IL6ST: variants seen among roughly 807,000 people sequenced by gnomAD.
The protein encoded by IL6ST is interleukin 6 cytokine family signal transducer.
In IL6ST, 24 loss-of-function variants were observed where a neutral mutation model predicts 91.3. The observed-to-expected ratio is 0.26, with a 90% CI of 0.19 to 0.37. The LOEUF is 0.37. Ranked by LOEUF, IL6ST falls within the 10% of genes least tolerant of loss-of-function variation. IL6ST has a pLI of 1.00. For synonymous variants in IL6ST, 351 were observed against 373.6 expected (o/e 0.94, Z 0.70); for missense variants, 914 against 1,078.5 (o/e 0.85, Z 2.14).
At chr5:55,945,483 C>T (rs1187823313) in intron 15 of IL6ST, among the ~76,000 whole-genome samples, 1 of 151,868 alleles carries the variant, frequency 6.6e-6, no homozygotes, top group African/African-American at 2.4e-5. Context: ...TCACACCATG[C>T]ACAAAAATAA....
At chr5:55,965,690 T>C (rs1237445230) in intron 5 of IL6ST, among the ~76,000 whole-genome samples, 1 of 151,570 alleles carries the variant, frequency 6.6e-6, no homozygotes, top group Non-Finnish European at 1.5e-5. Flanking sequence ...CTAAGGAAGT[T>C]GTGTCAAGAC....
In IL6ST at chr5:55,937,924, T is replaced by G. The variant is rs1228123226; in HGVS notation, c.*3158A>C. Reference sequence around the variant, plus strand: ...GGAAGATCTCTCCTGCTTGATGTACTTGGTCAATATATGTTAGTAAACAGA... The same window carrying G: ...GGAAGATCTCTCCTGCTTGATGTACGTGGTCAATATATGTTAGTAAACAGA... On this transcript the variant is annotated 3_prime_UTR_variant, in exon 17 of 17. Coordinates refer to ENST00000381298, the MANE Select transcript of IL6ST (RefSeq NM_002184.4). The G allele has an allele frequency of 1.0e-5, 2 of 197,680 alleles. No homozygotes were observed. Among genetic ancestry groups the G allele is most frequent in the African/African-American group, 4.6e-5 (2 of 43,396 alleles). 12.2% of individuals were successfully genotyped at this position (197,680 alleles called of 1,614,324 possible).
At chr5:55,945,447 G>C (rs1751184357) in intron 15 of IL6ST, among the ~76,000 whole-genome samples, 1 of 151,910 alleles carries the variant, frequency 6.6e-6, no homozygotes, top group Admixed American at 6.6e-5. Flanking sequence ...ACATCTGAAG[G>C]AACAAAATGA....
intron 3 of IL6ST, among the ~76,000 whole-genome samples, chr5:55,972,236 G>A (rs1024142229): frequency 5.9e-5 from 9 of 152,186 alleles, no homozygotes; most frequent in African/African-American, 2.2e-4. Flanking sequence ...AAATGGGCTG[G>A]GCGCAGTGGC....
chr5:55,962,938 G>A (rs1182639007), intron 7 of IL6ST, among the ~76,000 whole-genome samples: 1 of 151,928 alleles, frequency 6.6e-6, no homozygotes, highest in African/African-American at 2.4e-5. Context: ...AACACGGCGA[G>A]ACTCCATCTC....
At chr5:55,991,065 G>T (rs1001710607) in intron 1 of IL6ST, among the ~76,000 whole-genome samples, 1 of 152,172 alleles carries the variant, frequency 6.6e-6, no homozygotes, top group African/African-American at 2.4e-5. Context: ...CAAAGGACAT[G>T]AACTCATCCT....
chr5:55,942,061 A>G (rs747545514), intron 16 of IL6ST, among the ~76,000 whole-genome samples: 4 of 152,254 alleles, frequency 2.6e-5, no homozygotes, highest in Non-Finnish European at 4.4e-5. Context: ...TTTCATGCCT[A>G]GACTAGGCAG....
chr5:55,957,151 G>A (rs919151692), intron 9 of IL6ST, 58 bp downstream of exon 9: 32 of 869,644 alleles, frequency 3.7e-5, no homozygotes, highest in Non-Finnish European at 4.6e-5. Context: ...AGCGAGACTC[G>A]GTTTCAAAAA....
Position 55,954,807 on chromosome 5 carries a change from T to A in IL6ST, c.1450+3A>T, listed in dbSNP as rs1751857565. The A allele has an allele frequency of 6.3e-7, 1 of 1,596,580 alleles. No homozygotes were observed. The highest frequency in any genetic ancestry group is 8.5e-7 in the Non-Finnish European group (1 of 1,172,404). On this transcript the variant is annotated splice_donor_region_variant and intron_variant, in intron 11 of 16. Coordinates refer to ENST00000381298, the MANE Select transcript of IL6ST (RefSeq NM_002184.4). Reference sequence around the variant, plus strand: ...CAATTTAGATGTTTCTAGCCAGGTATACCTCTTAAATAGGTGCGATGCACG... The same window carrying A: ...CAATTTAGATGTTTCTAGCCAGGTAAACCTCTTAAATAGGTGCGATGCACG...
intron 15 of IL6ST, 111 bp from the exon 16 acceptor site, chr5:55,942,862 A>C: frequency 1.7e-6 from 1 of 584,244 alleles, no homozygotes; most frequent in Non-Finnish European, 3.1e-6. Context: ...CCAATTACCT[A>C]AATGAACAAA....
intron 5 of IL6ST, among the ~76,000 whole-genome samples, chr5:55,965,934 A>C (rs1752607553): frequency 6.6e-6 from 1 of 152,164 alleles, no homozygotes; most frequent in Non-Finnish European, 1.5e-5. Flanking sequence ...ATTTATAATG[A>C]GAAAGAAAAG....
intron 1 of IL6ST, among the ~76,000 whole-genome samples, chr5:55,993,201 G>A (rs568258738): frequency 3.9e-5 from 6 of 152,270 alleles, no homozygotes; most frequent in Admixed American, 1.3e-4. Context: ...CACTGTAGAG[G>A]ATTTATGGGT....
At chr5:55,985,324 TG>T (rs1753900474) in intron 1 of IL6ST, among the ~76,000 whole-genome samples, 1 of 151,994 alleles carries the variant, frequency 6.6e-6, no homozygotes, top group Admixed American at 6.6e-5. Flanking sequence ...GAGACCAGCC[TG>T]GGTATATGGT....
In IL6ST at chr5:55,954,846, G is replaced by C; in HGVS notation, c.1414C>G (p.Gln472Glu). ...DKAPCITDWQ[Q>E]EDGTVHRTYL... ...GTGCGATGCACGGTACCATCTTCTT[G>C]TTGCCAGTCTGTGATACAGGGTGCT... is the stretch of plus-strand genomic sequence containing the variant. The change falls in exon 11 of 17, where the codon CAA becomes GAA. Residue 472 changes from glutamine (Q) to glutamate (E), a missense_variant. By Grantham distance (29) the Gln-to-Glu change is conservative. Coordinates refer to ENST00000381298, the MANE Select transcript of IL6ST (RefSeq NM_002184.4). 6.2e-7 allele frequency: 1 copy of C among 1,612,638 alleles called. No individual in the cohort carries two copies. Among genetic ancestry groups the C allele is most frequent in the Non-Finnish European group, 8.5e-7 (1 of 1,179,478 alleles).
rs760554241 is a variant in IL6ST at position 55,951,985 on chromosome 5, T to C, written c.1643A>G (p.Asn548Ser). Residue 548 changes from asparagine (N) to serine (S), a missense_variant, in exon 13 of 17, where the codon AAT (asparagine) becomes AGT (serine). Physicochemically the swap from Asn to Ser is conservative, Grantham distance 46 (BLOSUM62 1). Coordinates refer to ENST00000381298, the MANE Select transcript of IL6ST (RefSeq NM_002184.4). ...TATAGTATAATTTCTGATAAATCCA[T>C]TCTGAACATCAACAGGAAGTTGGTC... ...EWDQLPVDVQ[N>S]GFIRNYTIFY... is the part of the protein sequence containing the mutation. 1.3e-6 allele frequency: 2 copies of C among 1,559,620 alleles called. No individual in the cohort carries two copies. Among genetic ancestry groups the C allele is most frequent in the East Asian group, 2.2e-5 (1 of 44,560 alleles).
At chr5:55,989,467 T>G (rs1754190595) in intron 1 of IL6ST, among the ~76,000 whole-genome samples, 1 of 152,150 alleles carries the variant, frequency 6.6e-6, no homozygotes, top group South Asian at 2.1e-4. Flanking sequence ...AGGACCTAAA[T>G]GCAAAAGCAA....
At chr5:55,965,495 A>C (rs1752577284) in intron 5 of IL6ST, among the ~76,000 whole-genome samples, 1 of 152,188 alleles carries the variant, frequency 6.6e-6, no homozygotes, top group South Asian at 2.1e-4. Flanking sequence ...GAAAAAATCT[A>C]AAAAATCTAA....
chr5:55,970,988 C>T (rs1291533467), intron 3 of IL6ST, among the ~76,000 whole-genome samples: 3 of 152,084 alleles, frequency 2.0e-5, no homozygotes, highest in Non-Finnish European at 2.9e-5. Context: ...ACATGCTTTA[C>T]CTATCACCTA....
chr5:55,994,453 G>A (rs936892303), intron 1 of IL6ST, among the ~76,000 whole-genome samples: 1 of 152,100 alleles, frequency 6.6e-6, no homozygotes, highest in Non-Finnish European at 1.5e-5. Flanking sequence ...GATGAAAAGG[G>A]GATTGGGAAA....
Sources: allele counts gnomAD v4.1 joint callset (sites outside exome capture counted in the v4.1 genomes callset), GRCh38; gene constraint gnomAD v4.1.1; transcripts MANE v1.5; gene names NCBI Gene and HGNC (gene_info 2026-07-23, HGNC 2026-07-21).